The following LRRC4C variants were observed in gnomAD, a reference collection of about 807,000 sequenced individuals.
The protein encoded by LRRC4C is leucine-rich repeat-containing protein 4C.
Under a neutral mutation model 33.6 loss-of-function variants are expected in LRRC4C, and 5 were observed. That is an observed-to-expected ratio of 0.15 (90% CI 0.08 to 0.31). The LOEUF (loss-of-function observed/expected upper bound fraction) is 0.31, where lower values mean the gene tolerates loss of function less well. Among genes scored for constraint, LRRC4C ranks in the 10% least tolerant of loss-of-function variants. LRRC4C has a pLI of 1.00. For missense variants in LRRC4C, 560 were observed against 796.7 expected (o/e 0.70, Z 3.58); for synonymous variants, 329 against 302.0 (o/e 1.09, Z -0.93).
intron 1 of LRRC4C, among the ~76,000 whole-genome samples, chr11:41,375,150 C>T (rs2958837): frequency 0.72 from 108,667 of 151,952 alleles, 39,214 homozygotes; most frequent in East Asian, 0.83. Flanking sequence ...TAGACTATTA[C>T]AGAAAAATAA....
chr11:40,701,648 A>G (rs1945869670), intron 2 of LRRC4C, among the ~76,000 whole-genome samples: 1 of 149,524 alleles, frequency 6.7e-6, no homozygotes, highest in Non-Finnish European at 1.5e-5. Flanking sequence ...ATATATATAT[A>G]AAACATAAAG....
At chr11:40,506,548 G>A (rs1285830043) in intron 3 of LRRC4C, among the ~76,000 whole-genome samples, 4 of 151,970 alleles carry the variant, frequency 2.6e-5, no homozygotes, top group Non-Finnish European at 4.4e-5. Flanking sequence ...AACAGCCAGC[G>A]GGAACATGGC....
At chr11:41,293,646 G>C (rs1341684683) in intron 1 of LRRC4C, among the ~76,000 whole-genome samples, 1 of 151,562 alleles carries the variant, frequency 6.6e-6, no homozygotes, top group Non-Finnish European at 1.5e-5. Context: ...GCCCAGGCTG[G>C]AGTACAATGG....
intron 5 of LRRC4C, among the ~76,000 whole-genome samples, chr11:40,233,277 C>T (rs183218987): frequency 2.0e-3 from 299 of 152,268 alleles, no homozygotes; most frequent in Middle Eastern, 6.8e-3. Flanking sequence ...ATAGCAACTG[C>T]GATGGCTCAG....
chr11:41,141,728 G>C (rs1362614777), intron 1 of LRRC4C, among the ~76,000 whole-genome samples: 1 of 152,048 alleles, frequency 6.6e-6, no homozygotes, highest in Non-Finnish European at 1.5e-5. Flanking sequence ...CACCATGATT[G>C]TAAGTTTCCT....
intron 3 of LRRC4C, among the ~76,000 whole-genome samples, chr11:40,625,254 T>C (rs779613878): frequency 2.6e-5 from 4 of 152,164 alleles, no homozygotes; most frequent in Non-Finnish European, 5.9e-5. Context: ...AACTTTGCTA[T>C]AGTATTGTAT....
intron 3 of LRRC4C, among the ~76,000 whole-genome samples, chr11:40,588,478 C>G (rs1958871418): frequency 6.6e-6 from 1 of 151,590 alleles, no homozygotes; most frequent in African/African-American, 2.4e-5. Context: ...CTATTTCCTT[C>G]AGTTCTGCTC....
At chr11:41,458,813 T>A (rs1956248282) in intron 1 of LRRC4C, among the ~76,000 whole-genome samples, 1 of 151,970 alleles carries the variant, frequency 6.6e-6, no homozygotes, top group South Asian at 2.1e-4. Flanking sequence ...AGCGAGAGAA[T>A]CAGTGCAAAA....
chr11:40,653,181 T>C (rs1254394685), intron 2 of LRRC4C, among the ~76,000 whole-genome samples: 3 of 152,188 alleles, frequency 2.0e-5, no homozygotes, highest in Admixed American at 2.0e-4. Context: ...AGTTCGGTGC[T>C]GATATAAAGA....
chr11:41,347,041 T>C (rs1218711440), intron 1 of LRRC4C, among the ~76,000 whole-genome samples: 2 of 152,148 alleles, frequency 1.3e-5, no homozygotes, highest in Non-Finnish European at 2.9e-5. Flanking sequence ...TAAAAGAGGT[T>C]TGATTTTAAT....
intron 5 of LRRC4C, among the ~76,000 whole-genome samples, chr11:40,188,080 A>C (rs1161358147): frequency 6.6e-6 from 1 of 152,224 alleles, no homozygotes; most frequent in Non-Finnish European, 1.5e-5. Flanking sequence ...AGAATACTGA[A>C]GGAAGATAGA....
intron 1 of LRRC4C, among the ~76,000 whole-genome samples, chr11:41,148,858 A>G (rs560999491): frequency 6.6e-6 from 1 of 152,304 alleles, no homozygotes; most frequent in East Asian, 1.9e-4. Context: ...TGAGCCCAGT[A>G]TCTGGCATAC....
At chr11:41,409,712 A>G (rs1246252355) in intron 1 of LRRC4C, among the ~76,000 whole-genome samples, 1 of 152,228 alleles carries the variant, frequency 6.6e-6, no homozygotes, top group Non-Finnish European at 1.5e-5. Context: ...AACTATAGCA[A>G]GAAAGATAAA....
At chr11:40,861,166 C>A (rs1954077299) in intron 2 of LRRC4C, among the ~76,000 whole-genome samples, 1 of 151,922 alleles carries the variant, frequency 6.6e-6, no homozygotes, top group Admixed American at 6.6e-5. Flanking sequence ...GTAAAGAATA[C>A]CCTCAAAATA....
At chr11:40,927,871 G>T (rs551309914) in intron 2 of LRRC4C, among the ~76,000 whole-genome samples, 1 of 152,128 alleles carries the variant, frequency 6.6e-6, no homozygotes, top group Non-Finnish European at 1.5e-5. Flanking sequence ...CTGGGGAGAG[G>T]TATGTATATC....
At chr11:40,563,811 C>T (rs1362890887) in intron 3 of LRRC4C, among the ~76,000 whole-genome samples, 1 of 152,110 alleles carries the variant, frequency 6.6e-6, no homozygotes, top group Admixed American at 6.5e-5. Context: ...GAAGATGTTA[C>T]CCAACTCTTT....
At chr11:40,542,698 T>C (rs547720265) in intron 3 of LRRC4C, among the ~76,000 whole-genome samples, 4 of 152,128 alleles carry the variant, frequency 2.6e-5, no homozygotes, top group South Asian at 2.1e-4. Flanking sequence ...GTTAGATTTA[T>C]TCCCATTCAT....
intron 3 of LRRC4C, among the ~76,000 whole-genome samples, chr11:40,481,444 C>T (rs1434117821): frequency 6.6e-6 from 1 of 152,058 alleles, no homozygotes; most frequent in Non-Finnish European, 1.5e-5. Flanking sequence ...AACATACATA[C>T]TGGGTGTTAA....
At chr11:41,338,945 T>C (rs773572792) in intron 1 of LRRC4C, among the ~76,000 whole-genome samples, 2 of 151,944 alleles carry the variant, frequency 1.3e-5, no homozygotes, top group Non-Finnish European at 2.9e-5. Context: ...GCTACTAGAA[T>C]AAAATAAAAT....
Sources: gnomAD v4.1 joint callset for allele counts (sites outside exome capture counted in the v4.1 genomes callset) on GRCh38, gnomAD v4.1.1 for gene constraint, MANE v1.5 for transcripts, NCBI Gene and HGNC (gene_info 2026-07-23, HGNC 2026-07-21) for gene names.